KIF21A: variants seen among roughly 807,000 people sequenced by gnomAD.
The protein encoded by KIF21A is kinesin family member 21A, also known as kinesin-like protein KIF21A.
A neutral mutation model predicts 202.9 loss-of-function variants in KIF21A; 114 were observed. The observed-to-expected ratio is 0.56, with a 90% CI of 0.48 to 0.66. The LOEUF is 0.66. KIF21A is among the 30% of genes least tolerant of loss of function. KIF21A has a pLI of 0.00. For synonymous variants in KIF21A, 667 were observed against 670.8 expected (o/e 0.99, Z 0.09); for missense variants, 1,677 against 1,994.9 (o/e 0.84, Z 3.04).
At chr12:39,345,329 CCTTAA>C (rs1400649199) in intron 12 of KIF21A, among the ~76,000 whole-genome samples, 2 of 152,056 alleles carry the variant, frequency 1.3e-5, no homozygotes, top group African/African-American at 2.4e-5. Context: ...AATTTTAATG[CCTTAA>C]CTTAATTCCA....
intron 1 of KIF21A, among the ~76,000 whole-genome samples, chr12:39,403,026 C>T (rs957653953): frequency 6.6e-6 from 1 of 152,090 alleles, no homozygotes; most frequent in Non-Finnish European, 1.5e-5. Flanking sequence ...ACTACATGTA[C>T]TCATAATTCA....
intron 1 of KIF21A, among the ~76,000 whole-genome samples, chr12:39,418,704 GA>G (rs983164809): frequency 6.6e-6 from 1 of 152,180 alleles, no homozygotes; most frequent in African/African-American, 2.4e-5. Context: ...TGCAATAAGA[GA>G]AAGTTGCTAA....
chr12:39,435,427 T>A (rs915975667), intron 1 of KIF21A, among the ~76,000 whole-genome samples: 1 of 152,158 alleles, frequency 6.6e-6, no homozygotes, highest in Non-Finnish European at 1.5e-5. Flanking sequence ...ATGGCAGAAA[T>A]TTTTCTGCAT....
At chr12:39,320,932 CAAAAAAAAA>C (rs59613512) in intron 27 of KIF21A, among the ~76,000 whole-genome samples, 9 of 16,142 alleles carry the variant, frequency 5.6e-4, no homozygotes, top group Middle Eastern at 0.05. Context: ...AAGACTCTGC[CAAAAAAAAA>C]AAAAAAAAAA....
At chr12:39,304,248 C>T (rs1190099708) in intron 35 of KIF21A, among the ~76,000 whole-genome samples, 2 of 152,182 alleles carry the variant, frequency 1.3e-5, no homozygotes, top group East Asian at 1.9e-4. Context: ...TTGATTCTCA[C>T]AGATATTCCC....
intron 1 of KIF21A, among the ~76,000 whole-genome samples, chr12:39,406,528 G>A (rs1485740161): frequency 2.0e-5 from 3 of 152,136 alleles, no homozygotes; most frequent in Non-Finnish European, 2.9e-5. Context: ...CACCCAAAAT[G>A]TTCACTCCCT....
chr12:39,355,253 G>A (rs1451322334), intron 10 of KIF21A, among the ~76,000 whole-genome samples: 1 of 152,150 alleles, frequency 6.6e-6, no homozygotes, highest in African/African-American at 2.4e-5. Flanking sequence ...GACATTAGAT[G>A]CTGCTTTTAG....
intron 1 of KIF21A, among the ~76,000 whole-genome samples, chr12:39,420,043 T>G (rs1049998411): frequency 2.1e-5 from 3 of 139,632 alleles, no homozygotes; most frequent in Non-Finnish European, 3.0e-5. Flanking sequence ...TGGCAACTGC[T>G]TCTCACCTGG....
chr12:39,421,190 A>T (rs1335604841), intron 1 of KIF21A, among the ~76,000 whole-genome samples: 1 of 152,220 alleles, frequency 6.6e-6, no homozygotes, highest in East Asian at 1.9e-4. Flanking sequence ...TCAGTATAGT[A>T]ACATGCTACA....
At chr12:39,410,097 C>G (rs929108239) in intron 1 of KIF21A, among the ~76,000 whole-genome samples, 4 of 152,126 alleles carry the variant, frequency 2.6e-5, no homozygotes, top group Non-Finnish European at 5.9e-5. Context: ...TCCCAAAGTG[C>G]TGGGATTACA....
At chr12:39,368,799 C>T (rs1243764887) in intron 3 of KIF21A, among the ~76,000 whole-genome samples, 1 of 151,350 alleles carries the variant, frequency 6.6e-6, no homozygotes. Context: ...GGAAAATTTT[C>T]ATCAATGATG....
intron 10 of KIF21A, among the ~76,000 whole-genome samples, chr12:39,355,765 TAC>T (rs886567213): frequency 1.0e-4 from 15 of 145,394 alleles, no homozygotes; most frequent in Non-Finnish European, 1.6e-4. Flanking sequence ...AATATATATG[TAC>T]ACACACACAT....
chr12:39,318,317 C>T (rs1944806672), intron 28 of KIF21A, 116 bp from the exon 29 acceptor site: 1 of 930,484 alleles, frequency 1.1e-6, no homozygotes. Context: ...CTCCTTCTTT[C>T]CTTTCTTCCT....
rs778520113 is a variant in KIF21A at position 39,320,014 on chromosome 12, C to T, written c.3672-1G>A. On this transcript the variant is annotated splice_acceptor_variant, in intron 27 of 37. Transcript: ENST00000361418. LOFTEE classifies it high-confidence loss of function. ...TTCTGATAGAGATGACTGCCTGGAACTAAAGTAAAAGAAGATTCTTTAATT... is the reference window on the plus strand; with the variant it reads ...TTCTGATAGAGATGACTGCCTGGAATTAAAGTAAAAGAAGATTCTTTAATT... 1 of 1,553,252 alleles carries T rather than the reference C, an allele frequency of 6.4e-7. No homozygotes were observed. The highest frequency in any genetic ancestry group is 8.9e-7 in the Non-Finnish European group (1 of 1,128,186).
intron 11 of KIF21A, among the ~76,000 whole-genome samples, chr12:39,348,664 T>C (rs184683697): frequency 2.2e-4 from 33 of 151,912 alleles, no homozygotes; most frequent in African/African-American, 6.5e-4. Flanking sequence ...CCAAAGAATT[T>C]GTGAATTCAG....
At chr12:39,355,171 C>A (rs1187000587) in intron 10 of KIF21A, among the ~76,000 whole-genome samples, 1 of 152,106 alleles carries the variant, frequency 6.6e-6, no homozygotes, top group Non-Finnish European at 1.5e-5. Flanking sequence ...GAACTCAGAG[C>A]CCATGAGTCA....
At chr12:39,389,758 T>C (rs1373812244) in intron 1 of KIF21A, among the ~76,000 whole-genome samples, 2 of 152,220 alleles carry the variant, frequency 1.3e-5, no homozygotes, top group African/African-American at 4.8e-5. Context: ...GCATTTTTTT[T>C]CTGAGGTATC....
chr12:39,436,449 T>TATATATA (rs1491365902), intron 1 of KIF21A, among the ~76,000 whole-genome samples: 45 of 86,830 alleles, frequency 5.2e-4, no homozygotes, highest in African/African-American at 2.4e-3. Context: ...TATATATATA[T>TATATATA]TTTTTTTTTT....
chr12:39,384,282 C>A (rs1163914598), intron 1 of KIF21A, among the ~76,000 whole-genome samples: 1 of 152,114 alleles, frequency 6.6e-6, no homozygotes, highest in African/African-American at 2.4e-5. Flanking sequence ...GCTGTCTTAA[C>A]ATTATCTGTA....
Sources: gnomAD v4.1 joint callset for allele counts (sites outside exome capture counted in the v4.1 genomes callset) on GRCh38, gnomAD v4.1.1 for gene constraint, MANE v1.5 for transcripts, NCBI Gene and HGNC (gene_info 2026-07-23, HGNC 2026-07-21) for gene names.